Variants in OR13G1 observed in about 807,000 individuals in gnomAD.
OR13G1 encodes olfactory receptor family 13 subfamily G member 1.
For missense variants in OR13G1, 369 were observed against 385.7 expected, an observed-to-expected ratio of 0.96 and a Z score of 0.36; for synonymous variants, 128 against 136.2, an observed-to-expected ratio of 0.94 and a Z score of 0.42.
intron 1 of OR13G1, among the ~76,000 whole-genome samples, chr1:247,679,161 G>A (rs984666542): frequency 2.6e-5 from 4 of 151,982 alleles, no homozygotes; most frequent in Non-Finnish European, 4.4e-5. Flanking sequence ...TTTGAGAGGC[G>A]TTTTAAGCAG....
At position 247,673,028 on chromosome 1, in the gene OR13G1, A is replaced by G; in HGVS notation, c.14T>C (p.Val5Ala). 6.2e-7 allele frequency: 1 copy of G among 1,609,734 alleles called. No homozygotes were observed. Among genetic ancestry groups the G allele is most frequent in the Non-Finnish European group, 8.5e-7 (1 of 1,177,836 alleles). The change falls in exon 2 of 2, where the codon GTT (valine) becomes GCT (alanine). Residue 5 changes from valine to alanine, a missense_variant. Transcript: ENST00000642119. MNHS[V>A]VTEFIILGLT... ...GCCCAGAATAATGAACTCAGTTACAACGCTGTGATTCATCCTGCTTGGGTG... is the reference window on the plus strand; with the variant it reads ...GCCCAGAATAATGAACTCAGTTACAGCGCTGTGATTCATCCTGCTTGGGTG...
At position 247,671,536 on chromosome 1, in the gene OR13G1, A is replaced by G; in HGVS notation, c.*582T>C. ...AAAAGGACTGGAGTAATATTCTGTCACTTTTTCCTGAACACATGGAGACTT... is the reference window on the plus strand; with the variant it reads ...AAAAGGACTGGAGTAATATTCTGTCGCTTTTTCCTGAACACATGGAGACTT... On this transcript the variant is annotated 3_prime_UTR_variant, in exon 2 of 2. Coordinates refer to ENST00000642119, the MANE Select transcript of OR13G1 (RefSeq NM_001005487.2). 1 of 154,964 alleles carries G rather than the reference A, an allele frequency of 6.5e-6. No homozygotes were observed. Among genetic ancestry groups the G allele is most frequent in the South Asian group, 2.0e-4 (1 of 5,034 alleles). The allele number at this position is 154,964 out of a possible 1,614,324, so 9.6% of individuals were successfully genotyped here.
chr1:247,671,504 C>G lies in OR13G1; in HGVS notation c.*614G>C, dbSNP rs1159455851. 6.5e-6 allele frequency: 1 copy of G among 153,922 alleles called. No homozygotes were observed. The highest frequency in any genetic ancestry group is 2.4e-5 in the African/African-American group (1 of 41,452). 9.5% of individuals were successfully genotyped at this position (153,922 alleles called of 1,614,324 possible). ...GTTGCATGAGGCATAAGTGTACTCACTGGTTTAAAAGGACTGGAGTAATAT... is the reference window on the plus strand; with the variant it reads ...GTTGCATGAGGCATAAGTGTACTCAGTGGTTTAAAAGGACTGGAGTAATAT... On this transcript the variant is annotated 3_prime_UTR_variant, in exon 2 of 2. Coordinates refer to ENST00000642119, the MANE Select transcript of OR13G1 (RefSeq NM_001005487.2).
chr1:247,679,369 TG>T (rs1269131457), intron 1 of OR13G1, among the ~76,000 whole-genome samples: 1 of 152,136 alleles, frequency 6.6e-6, no homozygotes, highest in Non-Finnish European at 1.5e-5. Context: ...ATATTTGATA[TG>T]AAAGGAAAAA....
chr1:247,674,938 C>T (rs551952572), intron 1 of OR13G1, among the ~76,000 whole-genome samples: 21 of 151,820 alleles, frequency 1.4e-4, no homozygotes, highest in East Asian at 3.9e-4. Flanking sequence ...ATTTTGAATA[C>T]GAGATGATTT....
chr1:247,672,576 G>C lies in OR13G1; in HGVS notation c.466C>G (p.His156Asp), dbSNP rs758723247. The change falls in exon 2 of 2, where the codon CAC (histidine) becomes GAC (aspartate). Residue 156 changes from histidine to aspartate, a missense_variant. Physicochemically the swap from His to Asp is moderately conservative, Grantham distance 81. Transcript: ENST00000642119. ...GTCAACCTCATGATAAGAGCTGTGT[G>C]CACCCAGGAATTGGTGACTGCAATA... ...MAIAVTNSWV[H>D]TALIMRLTFC... 1 of 1,614,046 alleles carries C rather than the reference G, an allele frequency of 6.2e-7. No homozygotes were observed. The highest frequency in any genetic ancestry group is 1.7e-5 in the Admixed American group (1 of 59,968).
At chr1:247,677,099 A>T (rs1399807575) in intron 1 of OR13G1, among the ~76,000 whole-genome samples, 2 of 152,092 alleles carry the variant, frequency 1.3e-5, no homozygotes, top group Non-Finnish European at 2.9e-5. Context: ...TTCTACAAAA[A>T]ATACAAAAAT....
At position 247,672,396 on chromosome 1, in the gene OR13G1, C is replaced by T; in HGVS notation, c.646G>A (p.Gly216Ser). 6.2e-7 allele frequency: 1 copy of T among 1,614,092 alleles called. No individual in the cohort carries two copies. Among genetic ancestry groups the T allele is most frequent in the Non-Finnish European group, 8.5e-7 (1 of 1,179,994 alleles). The part of the protein sequence containing the change: ...GDFILTCISY[G>S]FIIVAILRIR... ...CGGAGAATAGCAACAATGATAAAAC[C>T]ATAGGAGATGCAGGTAAGAATAAAG... The change falls in exon 2 of 2, where the codon GGT (glycine) becomes AGT (serine). Residue 216 changes from glycine (G) to serine (S), a missense_variant. By Grantham distance (56) the Gly-to-Ser change is moderately conservative. Transcript: ENST00000642119.
Position 247,672,690 on chromosome 1 carries a change from C to G in OR13G1, c.352G>C (p.Asp118His), listed in dbSNP as rs1044165143. 7 of 1,613,822 alleles carry G rather than the reference C, an allele frequency of 4.3e-6. No homozygotes were observed. Among genetic ancestry groups the G allele is most frequent in the Admixed American group, 1.7e-5 (1 of 59,930 alleles). Residue 118 changes from aspartate to histidine, a missense_variant, in exon 2 of 2, where the codon GAC (aspartate) becomes CAC (histidine). By Grantham distance (81) the Asp-to-His change is moderately conservative (BLOSUM62 -1). Transcript: ENST00000642119. ...EMVLFTTMAYDRYVAICFPLH... is the reference protein window; with the variant it reads ...EMVLFTTMAYHRYVAICFPLH... ...GGGAAACAAATGGCCACATAGCGGT[C>G]ATAGGCCATGGTGGTGAAGAGAACC...
intron 1 of OR13G1, 142 bp downstream of exon 1, chr1:247,679,497 TG>T (rs1383413106): frequency 7.1e-6 from 1 of 139,926 alleles, no homozygotes; most frequent in East Asian, 1.9e-4. Flanking sequence ...TGTGTGTGTG[TG>T]TGTGTGTGTG....
At position 247,671,895 on chromosome 1, in the gene OR13G1, A is replaced by G; in HGVS notation, c.*223T>C. 1.9e-6 allele frequency: 1 copy of G among 515,682 alleles called. No individual in the cohort carries two copies. Among genetic ancestry groups the G allele is most frequent in the Non-Finnish European group, 3.4e-6 (1 of 294,018 alleles). 31.9% of individuals were successfully genotyped at this position (515,682 alleles called of 1,614,324 possible). A position where few individuals can be genotyped will look rare whatever the true frequency, so the allele number is the denominator to read the frequency against. On this transcript the variant is annotated 3_prime_UTR_variant, in exon 2 of 2. Coordinates refer to ENST00000642119, the MANE Select transcript of OR13G1 (RefSeq NM_001005487.2). ...ATATTTTTGGAAAATGTTGGAATAT[A>G]TATTATGACATATATTTATGTGAGG...
At chr1:247,674,698 A>G (rs970732512) in intron 1 of OR13G1, among the ~76,000 whole-genome samples, 3 of 152,158 alleles carry the variant, frequency 2.0e-5, no homozygotes, top group Non-Finnish European at 4.4e-5. Flanking sequence ...TTGAGTCTTT[A>G]ATATTTTTAT....
Position 247,673,103 on chromosome 1 carries a change from C to T in OR13G1, c.-62G>A. ...ATAAACAACTGAAAATGGAAAGAATCCCTGTGTTGTTAGGAGATAACATGA... is the reference window on the plus strand; with the variant it reads ...ATAAACAACTGAAAATGGAAAGAATTCCTGTGTTGTTAGGAGATAACATGA... On this transcript the variant is annotated 5_prime_UTR_variant, in exon 2 of 2. Transcript: ENST00000642119. The T allele has an allele frequency of 7.8e-7, 1 of 1,285,382 alleles. No homozygotes were observed. The highest frequency in any genetic ancestry group is 1.1e-6 in the Non-Finnish European group (1 of 918,360). 79.6% of individuals were successfully genotyped at this position (1,285,382 alleles called of 1,614,324 possible). A position where few individuals can be genotyped will look rare whatever the true frequency, so the allele number is the denominator to read the frequency against.
chr1:247,675,204 C>A (rs1659320682), intron 1 of OR13G1, among the ~76,000 whole-genome samples: 1 of 151,486 alleles, frequency 6.6e-6, no homozygotes, highest in Non-Finnish European at 1.5e-5. Flanking sequence ...CAAAAACAGG[C>A]ACTCAAATAT....
chr1:247,677,120 G>A (rs571799045), intron 1 of OR13G1, among the ~76,000 whole-genome samples: 1 of 152,228 alleles, frequency 6.6e-6, no homozygotes, highest in South Asian at 2.1e-4. Flanking sequence ...TAGCCGGCCT[G>A]TAATCCCAGC....
chr1:247,676,605 A>G (rs778385495), intron 1 of OR13G1, among the ~76,000 whole-genome samples: 10 of 152,206 alleles, frequency 6.6e-5, no homozygotes, highest in Non-Finnish European at 1.5e-4. Context: ...TGATAAAACA[A>G]TGAACAATAA....
chr1:247,675,477 G>C (rs1476361386), intron 1 of OR13G1, among the ~76,000 whole-genome samples: 2 of 152,136 alleles, frequency 1.3e-5, no homozygotes, highest in Admixed American at 6.6e-5. Flanking sequence ...AAAGGCAAGG[G>C]AACCTGAGGA....
chr1:247,672,761 C>G lies in OR13G1; in HGVS notation c.281G>C (p.Cys94Ser). ...TSENTISYAG[C>S]MSQLFLFTWS... ...TGTGAACAAGAAGAGCTGGGACATGCAGCCTGCATATGAAATGGTATTTTC... is the reference window on the plus strand; with the variant it reads ...TGTGAACAAGAAGAGCTGGGACATGGAGCCTGCATATGAAATGGTATTTTC... The change falls in exon 2 of 2, where the codon TGC (cysteine) becomes TCC (serine). Residue 94 changes from cysteine to serine, a missense_variant. Cys to Ser is a moderately radical substitution (Grantham distance 112). Coordinates refer to ENST00000642119, the MANE Select transcript of OR13G1 (RefSeq NM_001005487.2). 1 of 1,614,058 alleles carries G rather than the reference C, an allele frequency of 6.2e-7. No homozygotes were observed. The highest frequency in any genetic ancestry group is 1.7e-5 in the Admixed American group (1 of 59,956).
In OR13G1 at chr1:247,672,225, C is replaced by T; in HGVS notation, c.817G>A (p.Ala273Thr). 6.2e-7 allele frequency: 1 copy of T among 1,614,026 alleles called. No individual in the cohort carries two copies. Among genetic ancestry groups the T allele is most frequent in the East Asian group, 2.2e-5 (1 of 44,872 alleles). Residue 273 changes from alanine to threonine, a missense_variant, in exon 2 of 2, where the codon GCA becomes ACA. Ala to Thr is a moderately conservative substitution (Grantham distance 58, BLOSUM62 0). Coordinates refer to ENST00000642119, the MANE Select transcript of OR13G1 (RefSeq NM_001005487.2). ...GTGGGAGTCACAAGAGTATAGAGTG[C>T]AGCTACCACCTTGTCTCTTTCAAAT... ...YTFERDKVVA[A>T]LYTLVTPTLN...
Sources: allele counts gnomAD v4.1 joint callset (sites outside exome capture counted in the v4.1 genomes callset), GRCh38; gene constraint gnomAD v4.1.1; transcripts MANE v1.5; gene names NCBI Gene and HGNC (gene_info 2026-07-23, HGNC 2026-07-21).